NEO1: variants seen among roughly 807,000 people sequenced by gnomAD.
NEO1 encodes the protein neogenin.
In NEO1, 63 loss-of-function variants were observed where a neutral mutation model predicts 159.7. That is an observed-to-expected ratio of 0.39 (90% CI 0.32 to 0.49). NEO1 has a LOEUF of 0.49. Among genes scored for constraint, NEO1 ranks in the 20% least tolerant of loss-of-function variants. NEO1 has a pLI of 0.85. For missense variants in NEO1, 1,615 were observed against 1,831.0 expected, an observed-to-expected ratio of 0.88 and a Z score of 2.15; for synonymous variants, 633 against 662.0, an observed-to-expected ratio of 0.96 and a Z score of 0.67.
chr15:73,251,742 G>A (rs1230675543), intron 11 of NEO1, among the ~76,000 whole-genome samples: 2 of 152,230 alleles, frequency 1.3e-5, no homozygotes, highest in East Asian at 3.9e-4. Context: ...ATCTCAGCAT[G>A]GTGGCTAGGG....
Position 73,295,145 on chromosome 15 carries a change from T to TAA in NEO1, c.3901+1601_3901+1602dup, listed in dbSNP as rs1555470509. 3.0e-5 allele frequency among the ~76,000 whole-genome samples: 4 copies of TAA among 134,880 alleles called. No homozygotes were observed. The East Asian group carries it at 6.5e-4, about 22-fold the overall frequency. 88.5% of individuals were successfully genotyped at this position (134,880 alleles called of 152,430 possible). A position where few individuals can be genotyped will look rare whatever the true frequency, so the allele number is the denominator to read the frequency against. On this transcript the variant is annotated intron_variant, in intron 26 of 28. Transcript: ENST00000261908. ...TATTAAATATATATATATATATATG[T>TAA]AAAAATTTGGCCTTTCTACTATCTC... is the stretch of plus-strand genomic sequence containing the variant.
intron 2 of NEO1, 108 bp downstream of exon 2, chr15:73,116,965 T>C (rs1481364176): frequency 2.3e-6 from 2 of 860,714 alleles, no homozygotes; most frequent in Non-Finnish European, 3.5e-6. Context: ...GCAACAAATA[T>C]ACTCATTTAA....
chr15:73,239,516 C>T (rs1031336215), intron 8 of NEO1, among the ~76,000 whole-genome samples: 1 of 152,144 alleles, frequency 6.6e-6, no homozygotes, highest in Non-Finnish European at 1.5e-5. Context: ...AGACAGACTG[C>T]GTATACAATG....
intron 23 of NEO1, among the ~76,000 whole-genome samples, chr15:73,285,556 T>C (rs569932807): frequency 3.5e-4 from 54 of 152,332 alleles, no homozygotes; most frequent in African/African-American, 1.2e-3. Flanking sequence ...AAGTATTCCA[T>C]TGACTGTTGA....
chr15:73,146,880 A>G (rs1243395423), intron 5 of NEO1, among the ~76,000 whole-genome samples: 1 of 152,160 alleles, frequency 6.6e-6, no homozygotes, highest in Non-Finnish European at 1.5e-5. Flanking sequence ...AATGCAACCT[A>G]AGAAAAACTC....
chr15:73,053,558 G>T (rs2067564068), intron 1 of NEO1, among the ~76,000 whole-genome samples: 1 of 152,166 alleles, frequency 6.6e-6, no homozygotes, highest in Admixed American at 6.5e-5. Context: ...CTTGTACAAT[G>T]TTTTCAGATG....
At chr15:73,267,189 C>T (rs901563180) in intron 16 of NEO1, among the ~76,000 whole-genome samples, 6 of 152,144 alleles carry the variant, frequency 3.9e-5, no homozygotes, top group African/African-American at 4.8e-5. Context: ...ACTCAGGAAG[C>T]AGAGCTTGCA....
At chr15:73,090,769 T>C (rs2069642878) in intron 1 of NEO1, among the ~76,000 whole-genome samples, 1 of 152,370 alleles carries the variant, frequency 6.6e-6, no homozygotes, top group South Asian at 2.1e-4. Context: ...TCCTCGTATC[T>C]TTATGTACAT....
At chr15:73,237,152 C>CTCT (rs2039224721) in intron 8 of NEO1, among the ~76,000 whole-genome samples, 2 of 50,162 alleles carry the variant, frequency 4.0e-5, no homozygotes, top group Admixed American at 6.0e-4. Flanking sequence ...TCAGTCACTT[C>CTCT]TTGCCCCTTT....
At chr15:73,157,162 G>C (rs1172011580) in intron 5 of NEO1, among the ~76,000 whole-genome samples, 1 of 152,176 alleles carries the variant, frequency 6.6e-6, no homozygotes, top group Non-Finnish European at 1.5e-5. Flanking sequence ...CTCCATGGCA[G>C]CTCTCCTCCT....
At chr15:73,085,806 GGTT>G (rs1437988184) in intron 1 of NEO1, among the ~76,000 whole-genome samples, 1 of 151,916 alleles carries the variant, frequency 6.6e-6, no homozygotes, top group Admixed American at 6.6e-5. Context: ...AGAAAATTGG[GGTT>G]GTTTTCTTGT....
intron 7 of NEO1, among the ~76,000 whole-genome samples, chr15:73,210,803 CTAAG>C (rs1254995107): frequency 1.3e-5 from 2 of 152,096 alleles, no homozygotes; most frequent in Admixed American, 1.3e-4. Context: ...TTCATGTAAA[CTAAG>C]TAAGTTCTGT....
chr15:73,179,332 GACC>G (rs2035466708), intron 7 of NEO1, among the ~76,000 whole-genome samples: 1 of 152,186 alleles, frequency 6.6e-6, no homozygotes, highest in Non-Finnish European at 1.5e-5. Flanking sequence ...ATGAGATCCA[GACC>G]CTGTTGGAGA....
rs2042467422 is a variant in NEO1, at chr15:73,298,507, G to A, written c.4061G>A (p.Arg1354His). The stretch of plus-strand genomic sequence containing the variant: ...CAGAGTCTTCCCACTGCCCATGTTC[G>A]CCCTTCCCACCCATTGAAGAGCTTC... ...SGQSLPTAHVRPSHPLKSFAV... is the reference protein window; with the variant it reads ...SGQSLPTAHVHPSHPLKSFAV... The change falls in exon 27 of 29, where the codon CGC (arginine) becomes CAC (histidine). Residue 1354 changes from arginine (R) to histidine (H), a missense_variant. Around this residue, in one of 3 missense-constraint regions of NEO1, gnomAD observed 471 missense variants for 498.9 expected, o/e 0.94. Coordinates refer to ENST00000261908, the MANE Select transcript of NEO1 (RefSeq NM_002499.4). 13 of 1,614,058 alleles carry A rather than the reference G, an allele frequency of 8.1e-6. No homozygotes were observed. The highest frequency in any genetic ancestry group is 2.2e-5 in the East Asian group (1 of 44,876).
intron 7 of NEO1, among the ~76,000 whole-genome samples, chr15:73,184,418 A>G (rs1036610001): frequency 6.6e-6 from 1 of 152,182 alleles, no homozygotes; most frequent in Non-Finnish European, 1.5e-5. Context: ...GAGTCAAACC[A>G]AGAACTCAAA....
intron 5 of NEO1, among the ~76,000 whole-genome samples, chr15:73,166,122 G>A (rs1055081191): frequency 6.6e-6 from 1 of 152,012 alleles, no homozygotes; most frequent in African/African-American, 2.4e-5. Context: ...CTACCTTACC[G>A]GTTTCTTCCT....
chr15:73,289,578 A>G (rs2151129475), intron 25 of NEO1, among the ~76,000 whole-genome samples: 1 of 152,282 alleles, frequency 6.6e-6, no homozygotes, highest in South Asian at 2.1e-4. Flanking sequence ...GGATGGTCTG[A>G]TGTTACAAGT....
chr15:73,294,017 G>A (rs572100297), intron 26 of NEO1, among the ~76,000 whole-genome samples: 2 of 152,164 alleles, frequency 1.3e-5, no homozygotes, highest in Non-Finnish European at 2.9e-5. Flanking sequence ...GAGCAGTGGG[G>A]CCACCAGCCA....
chr15:73,231,389 T>G (rs919750430), intron 7 of NEO1, among the ~76,000 whole-genome samples: 1 of 152,156 alleles, frequency 6.6e-6, no homozygotes, highest in Non-Finnish European at 1.5e-5. Flanking sequence ...AAATTAGATA[T>G]CCACAGTAAG....
Sources: gnomAD v4.1 joint callset for allele counts (sites outside exome capture counted in the v4.1 genomes callset) on GRCh38, gnomAD v4.1.1 for gene constraint, gnomAD v4.1.1 regional missense constraint, MANE v1.5 for transcripts, NCBI Gene and HGNC (gene_info 2026-07-23, HGNC 2026-07-21) for gene names.